The following ELMO1 variants were observed in gnomAD, a reference collection of about 807,000 sequenced individuals.
The protein encoded by ELMO1 is engulfment and cell motility protein 1.
In ELMO1, 26 loss-of-function variants were observed where a neutral mutation model predicts 98.9. The ratio of observed to expected loss-of-function variants is 0.26; its 90% CI spans 0.19 to 0.36. The LOEUF is 0.36. Ranked by LOEUF, ELMO1 falls within the 10% of genes least tolerant of loss-of-function variation. The probability of loss-of-function intolerance (pLI) is 1.00; values close to 1 mark genes in which losing one functional copy is unlikely to be tolerated. For synonymous variants in ELMO1, 346 were observed against 346.0 expected, an observed-to-expected ratio of 1.00 and a Z score of 0.00; for missense variants, 627 against 935.2, an observed-to-expected ratio of 0.67 and a Z score of 4.30.
chr7:37,224,801 A>C, intron 9 of ELMO1, 78 bp downstream of exon 9: 1 of 1,560,470 alleles, frequency 6.4e-7, no homozygotes, highest in Non-Finnish European at 8.7e-7. Context: ...CTATAACAAC[A>C]TAAAACGTTT....
intron 1 of ELMO1, among the ~76,000 whole-genome samples, chr7:37,445,895 A>G (rs952442429): frequency 2.6e-5 from 4 of 152,144 alleles, no homozygotes; most frequent in African/African-American, 9.7e-5. Flanking sequence ...ACTTCTTTAA[A>G]AGACCTTCTC....
chr7:37,097,833 C>T (rs1196627969), intron 14 of ELMO1, among the ~76,000 whole-genome samples: 1 of 152,146 alleles, frequency 6.6e-6, no homozygotes, highest in East Asian at 1.9e-4. Flanking sequence ...TCCTACTGGT[C>T]CCCCTGTTCC....
At chr7:36,948,508 A>T (rs1439089306) in intron 16 of ELMO1, among the ~76,000 whole-genome samples, 2 of 152,212 alleles carry the variant, frequency 1.3e-5, no homozygotes, top group East Asian at 3.9e-4. Context: ...AGAAAAATTA[A>T]ATCAACTGTA....
intron 15 of ELMO1, among the ~76,000 whole-genome samples, chr7:37,017,847 T>C (rs1367205399): frequency 6.6e-6 from 1 of 152,092 alleles, no homozygotes; most frequent in African/African-American, 2.4e-5. Context: ...GACAATAGCA[T>C]AAGAAAACAT....
In ELMO1 at chr7:37,103,968, G is replaced by A. The variant is rs941347693; in HGVS notation, c.1192-7241C>T. Among the ~76,000 whole-genome samples, 7 of 118,914 alleles carry A rather than the reference G, an allele frequency of 5.9e-5. No individual in the cohort carries two copies. In the South Asian group the frequency reaches 8.9e-4, roughly 15 times the overall value. 78.0% of individuals were successfully genotyped at this position (118,914 alleles called of 152,430 possible). On this transcript the variant is annotated intron_variant, in intron 14 of 21. Transcript: ENST00000310758. ...GGAGCTTGCAGTGAACCGAGATTGC[G>A]CCACTGCACTCCAGCCTGGGTGAGA...
intron 16 of ELMO1, among the ~76,000 whole-genome samples, chr7:36,943,728 C>T (rs769117810): frequency 2.6e-5 from 4 of 152,296 alleles, no homozygotes; most frequent in Non-Finnish European, 4.4e-5. Flanking sequence ...GTTTTCAGAA[C>T]GCTTTGCACT....
intron 13 of ELMO1, among the ~76,000 whole-genome samples, chr7:37,154,550 G>A (rs903679301): frequency 2.5e-4 from 38 of 152,186 alleles, no homozygotes; most frequent in African/African-American, 1.7e-4. Context: ...TTGATCAAGC[G>A]CAAGAAAGGA....
chr7:36,877,164 G>A (rs1804050632), intron 19 of ELMO1, among the ~76,000 whole-genome samples: 1 of 152,134 alleles, frequency 6.6e-6, no homozygotes, highest in South Asian at 2.1e-4. Flanking sequence ...GACACTGTCT[G>A]GGACACGCTT....
chr7:36,962,801 C>A lies in ELMO1; in HGVS notation c.1437+50498G>T, dbSNP rs570081944. ...ATTGTCTGCAGTTAGCATCAATAAACAAAGATCTTAAATAAAAGCTTTGGG... is the reference window on the plus strand; with the variant it reads ...ATTGTCTGCAGTTAGCATCAATAAAAAAAGATCTTAAATAAAAGCTTTGGG... On this transcript the variant is annotated intron_variant, in intron 16 of 21. Transcript: ENST00000310758. Among the ~76,000 whole-genome samples the A allele has an allele frequency of 1.8e-4, 27 of 149,484 alleles. 1 individual carries two copies. In the South Asian group the frequency reaches 5.8e-3, roughly 32 times the overall value.
chr7:37,392,866 G>C (rs1322383137), intron 1 of ELMO1, among the ~76,000 whole-genome samples: 2 of 152,138 alleles, frequency 1.3e-5, no homozygotes, highest in African/African-American at 4.8e-5. Context: ...CCTGCTAATT[G>C]CATCTGCCCT....
At chr7:37,219,030 G>C (rs867193426) in intron 10 of ELMO1, among the ~76,000 whole-genome samples, 6 of 152,156 alleles carry the variant, frequency 3.9e-5, no homozygotes, top group Admixed American at 3.3e-4. Context: ...TAAGCAAAAG[G>C]ATCCATTTGC....
At chr7:37,251,550 G>A (rs1437403929) in intron 6 of ELMO1, among the ~76,000 whole-genome samples, 1 of 152,086 alleles carries the variant, frequency 6.6e-6, no homozygotes, top group Non-Finnish European at 1.5e-5. Flanking sequence ...GCCTGCAAAG[G>A]ATTTTATTTC....
At chr7:37,291,694 C>T in intron 4 of ELMO1, among the ~76,000 whole-genome samples, 1 of 152,186 alleles carries the variant, frequency 6.6e-6, no homozygotes, top group Non-Finnish European at 1.5e-5. Flanking sequence ...GTGGGTGGAT[C>T]ACCTGAGGTC....
rs191737444 is a variant in ELMO1, at chr7:37,065,388, T to A, written c.1300+31231A>T. On this transcript the variant is annotated intron_variant, in intron 15 of 21. Transcript: ENST00000310758. ...CCTTCCATCTCCTTCCATCCCTCCA[T>A]GAGAACTGCGCTAGCTAAGGACTCC... 2.6e-5 allele frequency among the ~76,000 whole-genome samples: 4 copies of A among 152,202 alleles called. No homozygotes were observed. In the East Asian group the frequency reaches 7.7e-4, roughly 29 times the overall value.
At chr7:37,420,998 T>G (rs1417893157) in intron 1 of ELMO1, among the ~76,000 whole-genome samples, 1 of 152,216 alleles carries the variant, frequency 6.6e-6, no homozygotes, top group Admixed American at 6.5e-5. Context: ...GCTGCAAACC[T>G]GCTTCTGCCA....
chr7:36,862,869 G>T (rs1391496672), intron 20 of ELMO1, among the ~76,000 whole-genome samples: 2 of 152,144 alleles, frequency 1.3e-5, no homozygotes, highest in Non-Finnish European at 2.9e-5. Context: ...CTTAATATCT[G>T]TTAGAGGGTT....
intron 1 of ELMO1, among the ~76,000 whole-genome samples, chr7:37,352,294 T>G (rs1054819951): frequency 1.3e-5 from 2 of 152,190 alleles, no homozygotes; most frequent in Admixed American, 6.5e-5. Flanking sequence ...TTAATAGAGA[T>G]GAGGTCTCAT....
At position 37,000,938 on chromosome 7, in the gene ELMO1, T is replaced by TACAC. The variant is rs145766627; in HGVS notation, c.1437+12357_1437+12360dup. On this transcript the variant is annotated intron_variant, in intron 16 of 21. Coordinates refer to ENST00000310758, the MANE Select transcript of ELMO1 (RefSeq NM_014800.11). ...ATACATATATATATGTATATGTGTATACACACACACACACACACACACACA... is the reference window on the plus strand; with the variant it reads ...ATACATATATATATGTATATGTGTATACACACACACACACACACACACACACACA... 8.0e-3 allele frequency among the ~76,000 whole-genome samples: 1,173 copies of TACAC among 147,484 alleles called. 12 individuals carry two copies. The highest frequency in any genetic ancestry group is 0.025 in the African/African-American group (1,019 of 40,102).
intron 13 of ELMO1, among the ~76,000 whole-genome samples, chr7:37,137,064 G>C (rs1363530818): frequency 1.3e-5 from 2 of 152,018 alleles, no homozygotes; most frequent in South Asian, 2.1e-4. Context: ...TCAGGTAAAG[G>C]GTAAAGGTTA....
Sources: allele counts gnomAD v4.1 joint callset (sites outside exome capture counted in the v4.1 genomes callset), GRCh38; gene constraint gnomAD v4.1.1; transcripts MANE v1.5; gene names NCBI Gene and HGNC (gene_info 2026-07-23, HGNC 2026-07-21).